The following ANK2 variants were observed in gnomAD, a reference collection of about 807,000 sequenced individuals.
The protein encoded by ANK2 is ankyrin 2.
Under a neutral mutation model 360.5 loss-of-function variants are expected in ANK2, and 83 were observed. That is an observed-to-expected ratio of 0.23 (90% CI 0.19 to 0.28). The LOEUF is 0.28. Among genes scored for constraint, ANK2 ranks in the 10% least tolerant of loss-of-function variants. The pLI, the probability that ANK2 is intolerant of heterozygous loss-of-function variation, is 1.00. For synonymous variants in ANK2, 1,740 were observed against 1,759.5 expected (o/e 0.99, Z 0.28); for missense variants, 4,201 against 4,795.7 (o/e 0.88, Z 3.66).
intron 4 of ANK2, among the ~76,000 whole-genome samples, chr4:113,205,254 A>AAAG (rs1438157857): frequency 1.3e-5 from 2 of 151,202 alleles, no homozygotes; most frequent in Non-Finnish European, 1.5e-5. Flanking sequence ...AAAAAAAAAA[A>AAAG]AAAGACTTAA....
At chr4:112,957,269 A>G (rs62317098) in intron 2 of ANK2, among the ~76,000 whole-genome samples, 44 of 151,842 alleles carry the variant, frequency 2.9e-4, no homozygotes, top group African/African-American at 6.8e-4. Context: ...ATCTTGCACC[A>G]CCCTTAATCC....
intron 1 of ANK2, among the ~76,000 whole-genome samples, chr4:113,054,322 TACAC>T (rs34708446): frequency 6.7e-6 from 1 of 149,658 alleles, no homozygotes; most frequent in Non-Finnish European, 1.5e-5. Context: ...ATTTTGAAGG[TACAC>T]ACACACACAC....
At chr4:112,931,557 C>A (rs1281340943) in intron 2 of ANK2, among the ~76,000 whole-genome samples, 1 of 151,110 alleles carries the variant, frequency 6.6e-6, no homozygotes, top group East Asian at 1.9e-4. Flanking sequence ...GTGCCTCAGC[C>A]TCCCGAGTAG....
At chr4:113,010,683 G>A (rs1018623671) in intron 2 of ANK2, among the ~76,000 whole-genome samples, 6 of 152,188 alleles carry the variant, frequency 3.9e-5, no homozygotes, top group African/African-American at 1.2e-4. Context: ...TTTAGACATG[G>A]TAGATGGGAA....
At chr4:113,057,504 C>G (rs1448095029) in intron 1 of ANK2, among the ~76,000 whole-genome samples, 3 of 152,184 alleles carry the variant, frequency 2.0e-5, no homozygotes, top group Non-Finnish European at 2.9e-5. Context: ...TGAGTGGACT[C>G]TGACATGGTT....
intron 1 of ANK2, among the ~76,000 whole-genome samples, chr4:113,136,415 G>T (rs575562279): frequency 1.3e-5 from 2 of 152,124 alleles, no homozygotes; most frequent in East Asian, 1.9e-4. Flanking sequence ...ACTGGAATAC[G>T]CTAGGAATGG....
Position 113,358,082 on chromosome 4 carries a change from A to T in ANK2, c.9464A>T (p.Asp3155Val). 1 of 1,614,110 alleles carries T rather than the reference A, an allele frequency of 6.2e-7. No homozygotes were observed. Among genetic ancestry groups the T allele is most frequent in the Admixed American group, 1.7e-5 (1 of 60,010 alleles). Residue 3155 changes from aspartate (D) to valine (V), a missense_variant, in exon 38 of 46, where the codon GAT becomes GTT. Asp to Val is a radical substitution (Grantham distance 152). Coordinates refer to ENST00000357077, the MANE Select transcript of ANK2 (RefSeq NM_001148.6). ...GTGAAAGAAGGGGCTACTGGGGCTG[A>T]TCCCCTACCGCTGGAGACATCAGCT... is the stretch of plus-strand genomic sequence containing the variant. ...EDVKEGATGA[D>V]PLPLETSAES...
chr4:113,215,491 G>T (rs1032626666), intron 4 of ANK2, among the ~76,000 whole-genome samples: 1 of 152,070 alleles, frequency 6.6e-6, no homozygotes, highest in Non-Finnish European at 1.5e-5. Context: ...GCCCAAAATG[G>T]CTAATTCTCC....
chr4:112,994,410 T>C (rs147412121), intron 2 of ANK2, among the ~76,000 whole-genome samples: 1 of 152,198 alleles, frequency 6.6e-6, no homozygotes, highest in African/African-American at 2.4e-5. Flanking sequence ...AGAAAAGTAA[T>C]GTGATCTTTT....
At chr4:113,049,388 T>C (rs530928294), upstream of ANK2, among the ~76,000 whole-genome samples, 1 of 152,188 alleles carries the variant, frequency 6.6e-6, no homozygotes, top group East Asian at 1.9e-4. Flanking sequence ...TAAGTACAGG[T>C]TTTGTGTGTA....
chr4:113,282,903 G>T, intron 18 of ANK2, 31 bp downstream of exon 18: 1 of 1,609,952 alleles, frequency 6.2e-7, no homozygotes, highest in Non-Finnish European at 8.5e-7. Flanking sequence ...TCAATCAAGA[G>T]TGTTTTGGAT....
chr4:113,322,661 G>C (rs1186009544), intron 26 of ANK2, among the ~76,000 whole-genome samples: 1 of 152,136 alleles, frequency 6.6e-6, no homozygotes, highest in Non-Finnish European at 1.5e-5. Flanking sequence ...TACATTAACT[G>C]GAGGTCTGTA....
the ANK2 span, among the ~76,000 whole-genome samples, chr4:112,780,523 ATAT>A: frequency 2.0e-5 from 3 of 152,202 alleles, no homozygotes; most frequent in African/African-American, 7.2e-5. Flanking sequence ...GTATAGTATA[ATAT>A]TAATTTAATG....
chr4:112,917,700 G>A (rs1447333245), intron 2 of ANK2, among the ~76,000 whole-genome samples: 1 of 152,220 alleles, frequency 6.6e-6, no homozygotes, highest in Non-Finnish European at 1.5e-5. Context: ...GCACTAAGAA[G>A]AGAGCAGTCT....
intron 1 of ANK2, among the ~76,000 whole-genome samples, chr4:113,124,406 A>G (rs1211459673): frequency 6.6e-6 from 1 of 152,214 alleles, no homozygotes; most frequent in East Asian, 1.9e-4. Context: ...TTCATAGATG[A>G]GTTATCTCCC....
intron 2 of ANK2, among the ~76,000 whole-genome samples, chr4:112,956,809 C>A (rs1581869680): frequency 6.6e-6 from 1 of 152,138 alleles, no homozygotes; most frequent in East Asian, 1.9e-4. Context: ...AGTCACTAGT[C>A]CCTGGGGTCC....
chr4:112,997,946 C>G (rs961325847), intron 2 of ANK2, among the ~76,000 whole-genome samples: 6 of 149,270 alleles, frequency 4.0e-5, no homozygotes, highest in Non-Finnish European at 8.9e-5. Context: ...TTTCTCAAAA[C>G]TTTGGTGTCA....
intron 1 of ANK2, among the ~76,000 whole-genome samples, chr4:113,137,506 A>T (rs544718389): frequency 6.6e-6 from 1 of 152,346 alleles, no homozygotes; most frequent in Non-Finnish European, 1.5e-5. Flanking sequence ...ATGTTTAAAT[A>T]CTAAGGAACT....
chr4:112,987,417 C>A (rs1325518067), intron 2 of ANK2, among the ~76,000 whole-genome samples: 1 of 152,156 alleles, frequency 6.6e-6, no homozygotes, highest in Non-Finnish European at 1.5e-5. Flanking sequence ...CAGGTACTAA[C>A]CAGATTCAGA....
Sources: gnomAD v4.1 joint callset for allele counts (sites outside exome capture counted in the v4.1 genomes callset) on GRCh38, gnomAD v4.1.1 for gene constraint, MANE v1.5 for transcripts, NCBI Gene and HGNC (gene_info 2026-07-23, HGNC 2026-07-21) for gene names.